The following MALRD1 variants were observed in gnomAD, a reference collection of about 807,000 sequenced individuals.
MALRD1 encodes the protein MAM and LDL-receptor class A domain-containing protein 1.
MALRD1 carries 247 observed loss-of-function variants against 242.1 expected under a neutral mutation model. That is an observed-to-expected ratio of 1.02 (90% CI 0.92 to 1.13). The LOEUF (loss-of-function observed/expected upper bound fraction) is 1.13. MALRD1 is among the 50% of genes most tolerant of loss of function. The pLI is 0.00. For synonymous variants in MALRD1, 995 were observed against 866.6 expected (o/e 1.15, Z -2.60); for missense variants, 2,989 against 2,533.1 (o/e 1.18, Z -3.86).
chr10:19,214,050 A>G (rs921688631), intron 18 of MALRD1, among the ~76,000 whole-genome samples: 2 of 152,172 alleles, frequency 1.3e-5, no homozygotes, highest in Non-Finnish European at 2.9e-5. Flanking sequence ...TCTTTCCCCA[A>G]CCATAGGTAC....
At chr10:19,084,938 A>C (rs1428851576) in intron 2 of MALRD1, among the ~76,000 whole-genome samples, 5 of 151,998 alleles carry the variant, frequency 3.3e-5, no homozygotes, top group African/African-American at 1.2e-4. Context: ...TTATGCATTG[A>C]CTTTCATGAA....
chr10:19,478,862 C>G (rs1379272088), intron 29 of MALRD1, among the ~76,000 whole-genome samples: 1 of 152,138 alleles, frequency 6.6e-6, no homozygotes, highest in African/African-American at 2.4e-5. Flanking sequence ...GCTATTTATC[C>G]TCTGAATGAT....
intron 1 of MALRD1, among the ~76,000 whole-genome samples, chr10:19,053,612 A>G (rs1450530315): frequency 6.6e-6 from 1 of 152,112 alleles, no homozygotes; most frequent in Non-Finnish European, 1.5e-5. Context: ...TTTTTTTAGT[A>G]TTTGTGTAAA....
intron 28 of MALRD1, among the ~76,000 whole-genome samples, chr10:19,439,186 T>G (rs1049683418): frequency 1.3e-5 from 2 of 152,154 alleles, no homozygotes; most frequent in Non-Finnish European, 2.9e-5. Flanking sequence ...ATTATTATGT[T>G]CATTGTTAAA....
At chr10:19,159,791 AC>A (rs2131482722) in intron 12 of MALRD1, among the ~76,000 whole-genome samples, 1 of 152,048 alleles carries the variant, frequency 6.6e-6, no homozygotes, top group Admixed American at 6.6e-5. Context: ...TAAGACTGTC[AC>A]CCCCTCTCCA....
chr10:19,725,509 C>A (rs1834981801), intron 38 of MALRD1, among the ~76,000 whole-genome samples: 1 of 152,176 alleles, frequency 6.6e-6, no homozygotes, highest in African/African-American at 2.4e-5. Context: ...TATTTCTTCA[C>A]AGCAGCATGA....
At chr10:19,585,159 T>G (rs565604394) in intron 33 of MALRD1, among the ~76,000 whole-genome samples, 46 of 152,334 alleles carry the variant, frequency 3.0e-4, no homozygotes, top group African/African-American at 1.1e-3. Flanking sequence ...AGCACACTGA[T>G]GGGTCTTGGC....
chr10:19,518,264 T>C (rs2131308661), intron 31 of MALRD1, among the ~76,000 whole-genome samples: 1 of 152,340 alleles, frequency 6.6e-6, no homozygotes, highest in South Asian at 2.1e-4. Flanking sequence ...CTCAGACTAA[T>C]GGCCTCCTGC....
At chr10:19,087,653 G>A (rs767851801) in intron 2 of MALRD1, among the ~76,000 whole-genome samples, 187 bp from the exon 3 acceptor site, 2 of 151,834 alleles carry the variant, frequency 1.3e-5, no homozygotes, top group East Asian at 3.9e-4. Context: ...ACATCATGGA[G>A]AATGGGGTAT....
At chr10:19,595,017 A>G (rs1334947348) in intron 33 of MALRD1, among the ~76,000 whole-genome samples, 177 bp from the exon 34 acceptor site, 1 of 152,174 alleles carries the variant, frequency 6.6e-6, no homozygotes, top group Non-Finnish European at 1.5e-5. Context: ...TGACATTATG[A>G]TAAGGTATAT....
intron 36 of MALRD1, among the ~76,000 whole-genome samples, chr10:19,636,372 A>C (rs566823692): frequency 1.3e-5 from 2 of 152,320 alleles, no homozygotes; most frequent in African/African-American, 4.8e-5. Context: ...AGAGAAGTTT[A>C]TCCCCAAAGA....
intron 18 of MALRD1, among the ~76,000 whole-genome samples, chr10:19,243,578 T>G (rs1285417070): frequency 6.6e-6 from 1 of 152,166 alleles, no homozygotes; most frequent in East Asian, 1.9e-4. Flanking sequence ...CTTTTCATGT[T>G]GTTACACATA....
At chr10:19,197,129 A>G (rs1262300696) in intron 14 of MALRD1, among the ~76,000 whole-genome samples, 1 of 152,098 alleles carries the variant, frequency 6.6e-6, no homozygotes, top group African/African-American at 2.4e-5. Flanking sequence ...GGAGAAGCAC[A>G]ACTTTTAAAC....
intron 21 of MALRD1, among the ~76,000 whole-genome samples, chr10:19,298,199 C>G (rs1015059353): frequency 6.6e-6 from 1 of 151,888 alleles, no homozygotes; most frequent in Non-Finnish European, 1.5e-5. Context: ...AAGGACCAAG[C>G]CTAAGAGGCT....
intron 29 of MALRD1, among the ~76,000 whole-genome samples, chr10:19,485,101 C>A (rs1256998275): frequency 7.2e-5 from 11 of 152,154 alleles, no homozygotes; most frequent in Admixed American, 7.2e-4. Flanking sequence ...CATGTTCTCA[C>A]TTAAAAGTTG....
At chr10:19,592,761 A>ACGCG (rs1491143912) in intron 33 of MALRD1, among the ~76,000 whole-genome samples, 6 of 132,906 alleles carry the variant, frequency 4.5e-5, no homozygotes, top group African/African-American at 1.6e-4. Flanking sequence ...ACACACACAC[A>ACGCG]CGCACGCACA....
At chr10:19,176,826 G>A (rs796523396) in intron 14 of MALRD1, among the ~76,000 whole-genome samples, 1 of 145,768 alleles carries the variant, frequency 6.9e-6, no homozygotes, top group Non-Finnish European at 1.5e-5. Flanking sequence ...GTGTCTGTGT[G>A]TGTGTGCATG....
chr10:19,498,598 A>G lies in MALRD1; in HGVS notation c.5272A>G (p.Ser1758Gly), dbSNP rs1222185163. 4.5e-6 allele frequency: 7 copies of G among 1,550,226 alleles called. No homozygotes were observed. The highest frequency in any genetic ancestry group is 6.1e-6 in the Non-Finnish European group (7 of 1,146,848). Reference sequence around the variant, plus strand: ...GGATGACTTGGACTGGGCCATTGGCAGCAGAATTCCTGCCAAAGCATTAAT... The same window carrying G: ...GGATGACTTGGACTGGGCCATTGGCGGCAGAATTCCTGCCAAAGCATTAAT... ...SEDDLDWAIG[S>G]RIPAKALIPD... Residue 1758 changes from serine to glycine, a missense_variant, in exon 31 of 40, where the codon AGC (serine) becomes GGC (glycine). Ser to Gly is a moderately conservative substitution (Grantham distance 56, BLOSUM62 0). Transcript: ENST00000454679.
chr10:19,507,512 C>CATA (rs543809429), intron 31 of MALRD1, among the ~76,000 whole-genome samples: 19 of 151,602 alleles, frequency 1.3e-4, no homozygotes, highest in East Asian at 1.9e-4. Context: ...GAAGACAATA[C>CATA]ATAATAATAA....
Sources: gnomAD v4.1 joint callset for allele counts (sites outside exome capture counted in the v4.1 genomes callset) on GRCh38, gnomAD v4.1.1 for gene constraint, MANE v1.5 for transcripts, NCBI Gene and HGNC (gene_info 2026-07-23, HGNC 2026-07-21) for gene names.